Variants in TBC1D14 observed in about 807,000 individuals in gnomAD.
The protein encoded by TBC1D14 is TBC1 domain family, member 14.
TBC1D14 carries 26 observed loss-of-function variants against 79.0 expected under a neutral mutation model. That is an observed-to-expected ratio of 0.33 (90% CI 0.24 to 0.46). The LOEUF is 0.46. TBC1D14 is among the 20% of genes least tolerant of loss of function. The pLI, the probability that TBC1D14 is intolerant of heterozygous loss-of-function variation, is 1.00. For synonymous variants in TBC1D14, 394 were observed against 349.9 expected (o/e 1.13, Z -1.40); for missense variants, 769 against 887.6 (o/e 0.87, Z 1.70).
chr4:6,986,882 C>T lies in TBC1D14; in HGVS notation c.844-7302C>T, dbSNP rs536753293. ...GTTAATACTTTGTGAAAAACAGGAGCCACGGTAGCCCGTAAAAACTGCTCA... is the reference window on the plus strand; with the variant it reads ...GTTAATACTTTGTGAAAAACAGGAGTCACGGTAGCCCGTAAAAACTGCTCA... On this transcript the variant is annotated intron_variant, in intron 3 of 13. Transcript: ENST00000409757. Among the ~76,000 whole-genome samples, 41 of 152,364 alleles carry T rather than the reference C, an allele frequency of 2.7e-4. No homozygotes were observed. The East Asian group carries it at 3.3e-3, about 12-fold the overall frequency.
chr4:6,991,753 C>T (rs1718517081), intron 3 of TBC1D14, among the ~76,000 whole-genome samples: 1 of 152,044 alleles, frequency 6.6e-6, no homozygotes, highest in South Asian at 2.1e-4. Flanking sequence ...CTTCGGGGGG[C>T]TGGTGTGGAG....
intron 11 of TBC1D14, 69 bp downstream of exon 11, chr4:7,010,850 TGTTTTCGGTG>T: frequency 1.3e-6 from 2 of 1,525,324 alleles, no homozygotes; most frequent in Non-Finnish European, 8.9e-7. Flanking sequence ...TACTCGTCTG[TGTTTTCGGTG>T]GAAAAAAAGA....
At chr4:6,947,681 C>G (rs1256701977) in intron 2 of TBC1D14, among the ~76,000 whole-genome samples, 1 of 139,994 alleles carries the variant, frequency 7.1e-6, no homozygotes, top group Non-Finnish European at 1.6e-5. Context: ...AAAAAAAAAT[C>G]TAAGCTGATG....
chr4:6,999,375 CTG>C (rs1719425755), intron 6 of TBC1D14, among the ~76,000 whole-genome samples, 173 bp downstream of exon 6: 1 of 152,150 alleles, frequency 6.6e-6, no homozygotes, highest in Non-Finnish European at 1.5e-5. Flanking sequence ...TGCTTGGAGA[CTG>C]TGATAGCCCC....
intron 3 of TBC1D14, among the ~76,000 whole-genome samples, chr4:6,972,614 C>G (rs1016764584): frequency 6.6e-6 from 1 of 152,168 alleles, no homozygotes; most frequent in Non-Finnish European, 1.5e-5. Context: ...TGTTGTTCTG[C>G]TTTGTTGAGG....
chr4:6,941,352 A>G (rs1214509512), intron 2 of TBC1D14, among the ~76,000 whole-genome samples: 1 of 151,802 alleles, frequency 6.6e-6, no homozygotes, highest in Non-Finnish European at 1.5e-5. Context: ...CGCCTGGCTA[A>G]TTTTTGTATT....
chr4:7,001,290 GC>G (rs773730567), intron 7 of TBC1D14, 39 bp downstream of exon 7: 139 of 1,553,080 alleles, frequency 8.9e-5, no homozygotes, highest in Non-Finnish European at 1.2e-4. Context: ...CCACCTCCAG[GC>G]CCTTTGGCTT....
chr4:6,912,594 G>A (rs764211580), intron 1 of TBC1D14, among the ~76,000 whole-genome samples: 6 of 152,172 alleles, frequency 3.9e-5, no homozygotes, highest in Middle Eastern at 3.4e-3. Flanking sequence ...GGAAGAAGCT[G>A]TACATTGTGG....
At chr4:6,969,642 T>C (rs1466762967) in intron 3 of TBC1D14, among the ~76,000 whole-genome samples, 2 of 152,124 alleles carry the variant, frequency 1.3e-5, no homozygotes, top group Non-Finnish European at 2.9e-5. Context: ...CCTGACCTTG[T>C]GATCCACCTG....
At chr4:7,016,097 A>G (rs549937036) in intron 12 of TBC1D14, among the ~76,000 whole-genome samples, 4 of 152,334 alleles carry the variant, frequency 2.6e-5, no homozygotes, top group African/African-American at 2.4e-5. Context: ...TGTGCCCTTA[A>G]GAGTGTGCCT....
At chr4:6,988,309 C>T (rs1398412320) in intron 3 of TBC1D14, among the ~76,000 whole-genome samples, 1 of 152,254 alleles carries the variant, frequency 6.6e-6, no homozygotes, top group Non-Finnish European at 1.5e-5. Context: ...TATATAGTGA[C>T]AGTCATACTC....
At chr4:6,931,647 CCCTGTGCTTT>C (rs1711752411) in intron 2 of TBC1D14, among the ~76,000 whole-genome samples, 1 of 152,290 alleles carries the variant, frequency 6.6e-6, no homozygotes, top group South Asian at 2.1e-4. Flanking sequence ...TGTGCTGCTT[CCCTGTGCTTT>C]CCTGGGCTTT....
At chr4:7,006,833 G>T (rs1720242159) in intron 9 of TBC1D14, 107 bp downstream of exon 9, 1 of 859,678 alleles carries the variant, frequency 1.2e-6, no homozygotes, top group East Asian at 2.6e-5. Flanking sequence ...GGTTTTTGGG[G>T]GTGTTAGGAG....
chr4:6,984,901 C>T (rs149715576), intron 3 of TBC1D14, among the ~76,000 whole-genome samples: 1,809 of 152,262 alleles, frequency 0.012, 16 homozygotes, highest in Middle Eastern at 0.037. Context: ...TGTCTGCAGG[C>T]GGGTGGCCCG....
At chr4:6,939,342 G>C (rs531246891) in intron 2 of TBC1D14, among the ~76,000 whole-genome samples, 2 of 150,400 alleles carry the variant, frequency 1.3e-5, no homozygotes, top group Non-Finnish European at 3.0e-5. Flanking sequence ...AGGAAGAATG[G>C]CCCCCTTTGC....
chr4:6,925,472 G>T (rs1724220109), intron 2 of TBC1D14, among the ~76,000 whole-genome samples: 1 of 152,100 alleles, frequency 6.6e-6, no homozygotes, highest in African/African-American at 2.4e-5. Flanking sequence ...GAGTCAGCTG[G>T]CGACTCTGAC....
intron 3 of TBC1D14, chr4:6,987,300 G>T (rs1271122425): frequency 1.5e-6 from 2 of 1,364,564 alleles, no homozygotes; most frequent in South Asian, 1.7e-5. Flanking sequence ...CCCTCCGCTC[G>T]CTGGGCATGG....
chr4:6,924,153 T>G (rs1353165249), intron 2 of TBC1D14, 42 bp downstream of exon 2: 1 of 1,564,902 alleles, frequency 6.4e-7, no homozygotes, highest in Non-Finnish European at 8.6e-7. Context: ...GGTGGTTGAG[T>G]CCAGACCAGT....
At chr4:7,023,010 C>A (rs1054770263) in intron 12 of TBC1D14, among the ~76,000 whole-genome samples, 2 of 152,022 alleles carry the variant, frequency 1.3e-5, no homozygotes, top group Non-Finnish European at 2.9e-5. Flanking sequence ...AATCCCAGCA[C>A]TTTGGTAGGC....
Sources: allele counts gnomAD v4.1 joint callset (sites outside exome capture counted in the v4.1 genomes callset), GRCh38; gene constraint gnomAD v4.1.1; transcripts MANE v1.5; gene names NCBI Gene and HGNC (gene_info 2026-07-23, HGNC 2026-07-21).